DNAH17: variants seen among roughly 807,000 people sequenced by gnomAD.
DNAH17 encodes the protein dynein axonemal heavy chain 17, also known as axonemal beta dynein heavy chain 17.
Under a neutral mutation model 485.6 loss-of-function variants are expected in DNAH17, and 376 were observed. The observed-to-expected ratio is 0.77, with a 90% CI of 0.71 to 0.84. The LOEUF is 0.84. Ranked by LOEUF, DNAH17 falls within the 40% of genes least tolerant of loss-of-function variation. The pLI is 0.00. For missense variants in DNAH17, 6,370 were observed against 5,839.3 expected, an observed-to-expected ratio of 1.09 and a Z score of -2.96; for synonymous variants, 3,031 against 2,405.9, an observed-to-expected ratio of 1.26 and a Z score of -7.60.
intron 16 of DNAH17, among the ~76,000 whole-genome samples, chr17:78,546,484 C>T (rs929865933): frequency 2.6e-5 from 4 of 152,142 alleles, no homozygotes; most frequent in South Asian, 2.1e-4. Context: ...TGGTATTTTG[C>T]TTTAAAAACT....
rs919355686 is a variant in DNAH17 at position 78,561,185 on chromosome 17, C to CAG, written c.1836-252_1836-251dup. Among the ~76,000 whole-genome samples, 36 of 152,262 alleles carry CAG rather than the reference C, an allele frequency of 2.4e-4. 1 individual carries two copies. Among genetic ancestry groups the CAG allele is most frequent in the African/African-American group, 7.9e-4 (33 of 41,542 alleles). On this transcript the variant is annotated intron_variant, in intron 12 of 80. Coordinates refer to ENST00000389840, the MANE Select transcript of DNAH17 (RefSeq NM_173628.4). ...CACGCAGCAACTGGCTCCCGACCGCCAGGCCTGGATGAATGACAGCCAGCC... is the reference window on the plus strand; with the variant it reads ...CACGCAGCAACTGGCTCCCGACCGCCAGAGGCCTGGATGAATGACAGCCAGCC...
intron 24 of DNAH17, 85 bp from the exon 25 acceptor site, chr17:78,525,246 C>T: frequency 2.0e-6 from 3 of 1,528,094 alleles, no homozygotes; most frequent in Non-Finnish European, 2.6e-6. Flanking sequence ...CCCGTCTCTC[C>T]AGTGTGCCCT....
chr17:78,475,384 A>G lies in DNAH17; in HGVS notation c.8405T>C (p.Val2802Ala). 1 of 1,613,572 alleles carries G rather than the reference A, an allele frequency of 6.2e-7. No homozygotes were observed. The highest frequency in any genetic ancestry group is 8.5e-7 in the Non-Finnish European group (1 of 1,179,820). Residue 2802 changes from valine to alanine, a missense_variant, in exon 54 of 81, where the codon GTG becomes GCG. Val to Ala is a moderately conservative substitution (Grantham distance 64). Coordinates refer to ENST00000389840, the MANE Select transcript of DNAH17 (RefSeq NM_173628.4). ...GAGGCTCTGTTTGCCACTGCCGCCC[A>G]CCCCCACCAGCAGGGCATTCCCCCG... is the stretch of plus-strand genomic sequence containing the variant. ...SPRGNALLVGVGGSGKQSLSR... is the reference protein window; with the variant it reads ...SPRGNALLVGAGGSGKQSLSR...
intron 25 of DNAH17, among the ~76,000 whole-genome samples, chr17:78,519,832 G>A (rs1018532782): frequency 3.9e-5 from 6 of 152,132 alleles, no homozygotes; most frequent in Non-Finnish European, 5.9e-5. Flanking sequence ...GGAAATGGCC[G>A]GGCATGGTGG....
At chr17:78,570,886 G>GAAAAA in intron 6 of DNAH17, 62 bp downstream of exon 6, 1 of 505,590 alleles carries the variant, frequency 2.0e-6, no homozygotes, top group East Asian at 4.8e-5. Flanking sequence ...AAAGAAAAAA[G>GAAAAA]AAAAGAAAAG....
At chr17:78,550,875 A>C (rs1377029491) in intron 16 of DNAH17, among the ~76,000 whole-genome samples, 1 of 152,218 alleles carries the variant, frequency 6.6e-6, no homozygotes, top group Non-Finnish European at 1.5e-5. Flanking sequence ...GTATGCTATC[A>C]ATGAGCCCTT....
chr17:78,495,091 A>G lies in DNAH17; in HGVS notation c.5910T>C (p.Cys1970=), dbSNP rs1208482780. The part of the protein sequence containing the change: ...PENLKALFRP[C]AMVVPDFELI... ...GTTCGAAGTCGGGGACGACCATGGC[A>G]CAGGGCCTGGGGAGGTCAGCGGTGC... Residue 1970 remains cysteine (C), a synonymous_variant, in exon 39 of 81, where the codon TGT becomes TGC. Transcript: ENST00000389840. The G allele has an allele frequency of 6.2e-7, 1 of 1,606,816 alleles. No homozygotes were observed. Among genetic ancestry groups the G allele is most frequent in the Admixed American group, 1.7e-5 (1 of 59,264 alleles).
At chr17:78,470,269 T>C (rs1234175029) in intron 54 of DNAH17, among the ~76,000 whole-genome samples, 1 of 151,080 alleles carries the variant, frequency 6.6e-6, no homozygotes, top group African/African-American at 2.4e-5. Context: ...GGTTTTACCA[T>C]GTTGGCCAGG....
chr17:78,488,114 A>T (rs542883651), intron 44 of DNAH17, among the ~76,000 whole-genome samples: 1 of 152,250 alleles, frequency 6.6e-6, no homozygotes, highest in African/African-American at 2.4e-5. Flanking sequence ...TTGTGTCAAA[A>T]ATTTGTGATG....
intron 37 of DNAH17, among the ~76,000 whole-genome samples, chr17:78,498,111 A>T (rs1369494958): frequency 6.6e-6 from 1 of 151,038 alleles, no homozygotes; most frequent in East Asian, 2.0e-4. Context: ...ATTGCACTCC[A>T]GCCTGGGCAA....
chr17:78,501,914 C>CA, intron 33 of DNAH17, 41 bp from the exon 34 acceptor site: 1 of 1,611,094 alleles, frequency 6.2e-7, no homozygotes, highest in Non-Finnish European at 8.5e-7. Context: ...CACGGGTGCC[C>CA]ACATGCACTG....
chr17:78,570,894 A>G (rs1233168909), intron 6 of DNAH17, 54 bp downstream of exon 6: 3 of 995,048 alleles, frequency 3.0e-6, no homozygotes, highest in African/African-American at 3.4e-5. Context: ...AAGAAAAGAA[A>G]AGAAAAGAAA....
intron 37 of DNAH17, among the ~76,000 whole-genome samples, chr17:78,498,354 G>A (rs981870016): frequency 2.6e-5 from 4 of 152,112 alleles, no homozygotes; most frequent in Admixed American, 6.5e-5. Flanking sequence ...GTCCCAGGCC[G>A]CTAGGTCGGC....
chr17:78,468,255 G>C (rs550604818), intron 55 of DNAH17, among the ~76,000 whole-genome samples: 1 of 152,094 alleles, frequency 6.6e-6, no homozygotes, highest in Non-Finnish European at 1.5e-5. Context: ...AAGTAATCTA[G>C]AGATGATTTA....
chr17:78,435,252 C>T (rs759998702), intron 74 of DNAH17, among the ~76,000 whole-genome samples: 11 of 152,142 alleles, frequency 7.2e-5, no homozygotes, highest in Non-Finnish European at 1.3e-4. Flanking sequence ...GAAGGCCTGG[C>T]GGGTGTCACC....
chr17:78,468,434 C>A (rs1394998255), intron 55 of DNAH17, among the ~76,000 whole-genome samples, 183 bp downstream of exon 55: 1 of 152,100 alleles, frequency 6.6e-6, no homozygotes, highest in Non-Finnish European at 1.5e-5. Flanking sequence ...CTCTAACGAC[C>A]CACGTGAAAA....
intron 19 of DNAH17, among the ~76,000 whole-genome samples, chr17:78,533,419 G>T (rs1468014574): frequency 6.6e-6 from 1 of 152,164 alleles, no homozygotes; most frequent in Non-Finnish European, 1.5e-5. Flanking sequence ...GGCTTTCCTG[G>T]CAACAGCAAA....
intron 15 of DNAH17, among the ~76,000 whole-genome samples, chr17:78,551,981 A>T (rs78832698): frequency 6.6e-6 from 1 of 150,620 alleles, no homozygotes; most frequent in Non-Finnish European, 1.5e-5. Flanking sequence ...AAAAAAAAAA[A>T]TTCAGCAGGA....
At position 78,450,835 on chromosome 17, in the gene DNAH17, G is replaced by T; in HGVS notation, c.10746C>A (p.Thr3582=). ...CAATCTTAAATTCGTTTTGAGACTT[G>T]GTGAGGTTTGCCTGCAAGGGGAGGT... ...PDLEQLKANL[T]KSQNEFKIVL... The change falls in exon 67 of 81, where the codon ACC becomes ACA. Residue 3582 remains threonine, a synonymous_variant. Coordinates refer to ENST00000389840, the MANE Select transcript of DNAH17 (RefSeq NM_173628.4). 6.2e-7 allele frequency: 1 copy of T among 1,613,958 alleles called. No individual in the cohort carries two copies. The highest frequency in any genetic ancestry group is 8.5e-7 in the Non-Finnish European group (1 of 1,179,882).
Sources: allele counts gnomAD v4.1 joint callset (sites outside exome capture counted in the v4.1 genomes callset), GRCh38; gene constraint gnomAD v4.1.1; transcripts MANE v1.5; gene names NCBI Gene and HGNC (gene_info 2026-07-23, HGNC 2026-07-21).